Variants in RANBP2 observed in about 807,000 individuals in gnomAD.
RANBP2 encodes E3 SUMO-protein ligase RanBP2.
A neutral mutation model predicts 303.6 loss-of-function variants in RANBP2; 57 were observed. The ratio of observed to expected loss-of-function variants is 0.19; its 90% confidence interval spans 0.15 to 0.23. The LOEUF (loss-of-function observed/expected upper bound fraction) is 0.23, where lower values mean the gene tolerates loss of function less well. Among genes scored for constraint, RANBP2 ranks in the 10% least tolerant of loss-of-function variants. The probability of loss-of-function intolerance (pLI) is 1.00; values close to 1 mark genes in which losing one functional copy is unlikely to be tolerated. For missense variants in RANBP2, 3,138 were observed against 3,780.8 expected, an observed-to-expected ratio of 0.83 and a Z score of 4.46; for synonymous variants, 1,167 against 1,301.5, an observed-to-expected ratio of 0.90 and a Z score of 2.23.
chr2:109,446,973 G>A, the RANBP2 span, among the ~76,000 whole-genome samples: 1 of 151,898 alleles, frequency 6.6e-6, no homozygotes, highest in African/African-American at 2.4e-5. Context: ...GCTGAGGGGA[G>A]AGACGAATAA....
chr2:108,998,232 C>A, the RANBP2 span, among the ~76,000 whole-genome samples: 2 of 152,178 alleles, frequency 1.3e-5, no homozygotes, highest in South Asian at 4.1e-4. Flanking sequence ...TGAAACCTGA[C>A]TCCTGGTTTA....
the RANBP2 span, among the ~76,000 whole-genome samples, chr2:108,826,866 T>C: frequency 2.0e-5 from 3 of 152,246 alleles, no homozygotes; most frequent in Non-Finnish European, 4.4e-5. Flanking sequence ...TGTCTGCTAA[T>C]CCATGAACAA....
chr2:108,969,937 T>C, the RANBP2 span, among the ~76,000 whole-genome samples: 1 of 152,334 alleles, frequency 6.6e-6, no homozygotes, highest in African/African-American at 2.4e-5. Flanking sequence ...CATAAGAACA[T>C]ACAACTCAGA....
At chr2:109,471,595 C>T in the RANBP2 span, among the ~76,000 whole-genome samples, 2 of 152,182 alleles carry the variant, frequency 1.3e-5, no homozygotes, top group Non-Finnish European at 2.9e-5. Context: ...ATCATTGGAA[C>T]AGCTCATGTA....
chr2:108,813,760 A>G, the RANBP2 span, among the ~76,000 whole-genome samples: 37 of 152,224 alleles, frequency 2.4e-4, no homozygotes, highest in Admixed American at 7.9e-4. Context: ...ACTTTCCACT[A>G]TCCTAGAAAG....
At chr2:109,660,833 G>A in the RANBP2 span, among the ~76,000 whole-genome samples, 2 of 152,228 alleles carry the variant, frequency 1.3e-5, no homozygotes, top group African/African-American at 4.8e-5. Context: ...AGCTCCTGGT[G>A]ATCCATCTGG....
chr2:109,145,075 C>T, the RANBP2 span, among the ~76,000 whole-genome samples: 1 of 152,212 alleles, frequency 6.6e-6, no homozygotes, highest in African/African-American at 2.4e-5. Context: ...GTTAAGGGCC[C>T]TCTTACGGGG....
chr2:109,156,760 A>T, the RANBP2 span, among the ~76,000 whole-genome samples: 1 of 151,918 alleles, frequency 6.6e-6, no homozygotes, highest in African/African-American at 2.4e-5. Flanking sequence ...TAAGTTTTTT[A>T]AAAAGGGATG....
the RANBP2 span, among the ~76,000 whole-genome samples, chr2:108,799,142 G>A: frequency 2.0e-5 from 3 of 152,050 alleles, no homozygotes; most frequent in African/African-American, 7.2e-5. Context: ...TGAATCTAGA[G>A]CACTCAACCT....
chr2:109,262,758 A>G, the RANBP2 span, among the ~76,000 whole-genome samples: 2 of 152,216 alleles, frequency 1.3e-5, no homozygotes, highest in Non-Finnish European at 2.9e-5. Flanking sequence ...CCATTATTGG[A>G]AAATATATTA....
At chr2:109,737,084 G>C in the RANBP2 span, 2 of 1,136,218 alleles carry the variant, frequency 1.8e-6, no homozygotes, top group Non-Finnish European at 2.3e-6. Context: ...CACCATTTTG[G>C]TTCCCAAGTT....
At chr2:109,691,220 G>A in the RANBP2 span, among the ~76,000 whole-genome samples, 3 of 152,202 alleles carry the variant, frequency 2.0e-5, no homozygotes, top group South Asian at 2.1e-4. Flanking sequence ...TTCAAGTAAC[G>A]CAACCAGGCC....
At chr2:108,775,969 A>AT (rs1338662229) in intron 24 of RANBP2, 33 bp downstream of exon 24, 1 of 1,551,060 alleles carries the variant, frequency 6.4e-7, no homozygotes, top group Non-Finnish European at 8.8e-7. Context: ...CATGTGTTAC[A>AT]TAAGGGACAC....
the RANBP2 span, among the ~76,000 whole-genome samples, chr2:109,126,822 T>C: frequency 3.3e-5 from 5 of 152,218 alleles, no homozygotes; most frequent in Non-Finnish European, 5.9e-5. Flanking sequence ...TTTCTGTTGC[T>C]TGCAACCAAA....
chr2:108,763,064 A>G (rs1217532349), intron 19 of RANBP2, among the ~76,000 whole-genome samples, 173 bp from the exon 20 acceptor site: 1 of 152,140 alleles, frequency 6.6e-6, no homozygotes, highest in Non-Finnish European at 1.5e-5. Flanking sequence ...CTGATTTTTC[A>G]CACAGAAAAT....
the RANBP2 span, among the ~76,000 whole-genome samples, chr2:109,500,986 A>C: frequency 1.3e-5 from 2 of 152,230 alleles, no homozygotes; most frequent in African/African-American, 4.8e-5. Flanking sequence ...CAATGTTCCA[A>C]GTACCTTTCA....
chr2:108,869,026 ATTTTG>A, the RANBP2 span, among the ~76,000 whole-genome samples: 2 of 152,128 alleles, frequency 1.3e-5, no homozygotes, highest in African/African-American at 4.8e-5. Flanking sequence ...CTTTATAAAA[ATTTTG>A]TTTTGTTTCC....
the RANBP2 span, among the ~76,000 whole-genome samples, chr2:108,823,285 C>A: frequency 4.6e-4 from 70 of 152,310 alleles, no homozygotes; most frequent in Non-Finnish European, 5.9e-4. Flanking sequence ...TCCACACTTA[C>A]TCTGTGGGGC....
chr2:109,371,258 C>T, the RANBP2 span, among the ~76,000 whole-genome samples: 1 of 152,214 alleles, frequency 6.6e-6, no homozygotes, highest in African/African-American at 2.4e-5. Context: ...GGTGTGGTGG[C>T]ACACGCCTGT....
Sources: allele counts gnomAD v4.1 joint callset (sites outside exome capture counted in the v4.1 genomes callset), GRCh38; gene constraint gnomAD v4.1.1; transcripts MANE v1.5; gene names NCBI Gene and HGNC (gene_info 2026-07-23, HGNC 2026-07-21).